ABCC4: variants seen among roughly 807,000 people sequenced by gnomAD.
The protein encoded by ABCC4 is ATP-binding cassette sub-family C member 4.
A neutral mutation model predicts 168.5 loss-of-function variants in ABCC4; 102 were observed. The ratio of observed to expected loss-of-function variants is 0.61; its 90% CI spans 0.52 to 0.71. The LOEUF is 0.71. Ranked by LOEUF, ABCC4 falls within the 30% of genes least tolerant of loss-of-function variation. The pLI is 0.00. For missense variants in ABCC4, 1,402 were observed against 1,605.8 expected, an observed-to-expected ratio of 0.87 and a Z score of 2.17; for synonymous variants, 617 against 590.7, an observed-to-expected ratio of 1.04 and a Z score of -0.65.
chr13:95,195,854 G>A (rs952892150), intron 8 of ABCC4, among the ~76,000 whole-genome samples: 2 of 151,984 alleles, frequency 1.3e-5, no homozygotes, highest in African/African-American at 2.4e-5. Flanking sequence ...GGCTGGTCTC[G>A]AACTGCTGGC....
chr13:95,145,642 T>G (rs1594177739), intron 19 of ABCC4, among the ~76,000 whole-genome samples: 1 of 147,182 alleles, frequency 6.8e-6, no homozygotes. Flanking sequence ...AAGAGACACA[T>G]GCACTTGTAT....
intron 13 of ABCC4, among the ~76,000 whole-genome samples, chr13:95,173,470 C>A (rs114589020): frequency 1.9e-3 from 283 of 152,270 alleles, no homozygotes; most frequent in African/African-American, 6.3e-3. Flanking sequence ...TTCTCTTTTG[C>A]CCAGGCAAAC....
At chr13:95,026,903 A>AAAAG (rs772135173) in intron 30 of ABCC4, among the ~76,000 whole-genome samples, 7 of 152,040 alleles carry the variant, frequency 4.6e-5, no homozygotes, top group East Asian at 1.9e-4. Flanking sequence ...AAAAAAAAGA[A>AAAAG]AAAGAAAGAA....
intron 20 of ABCC4, among the ~76,000 whole-genome samples, chr13:95,101,295 C>A (rs1034830885): frequency 5.3e-5 from 8 of 151,888 alleles, no homozygotes; most frequent in Non-Finnish European, 1.2e-4. Context: ...CAGGACTAGT[C>A]CTTTGTGTTC....
chr13:95,238,226 G>A (rs1341108384), intron 3 of ABCC4, among the ~76,000 whole-genome samples: 4 of 151,312 alleles, frequency 2.6e-5, no homozygotes, highest in East Asian at 1.9e-4. Context: ...AGAAATGGGG[G>A]AACAGGGGAC....
chr13:95,060,687 T>C (rs150598235), intron 26 of ABCC4, among the ~76,000 whole-genome samples: 7 of 152,354 alleles, frequency 4.6e-5, no homozygotes, highest in African/African-American at 1.7e-4. Context: ...TCCCATTTTA[T>C]CCTGAAAGGG....
chr13:95,279,943 C>T (rs2041072981), intron 1 of ABCC4, among the ~76,000 whole-genome samples: 1 of 152,084 alleles, frequency 6.6e-6, no homozygotes, highest in South Asian at 2.1e-4. Context: ...ACTCAAGGAC[C>T]CACCACAACA....
chr13:95,294,889 G>A (rs1479619431), intron 1 of ABCC4, among the ~76,000 whole-genome samples: 1 of 152,120 alleles, frequency 6.6e-6, no homozygotes, highest in Non-Finnish European at 1.5e-5. Context: ...CGGAGGCAGA[G>A]GTTGCAATGA....
chr13:95,113,980 C>A (rs147652200), intron 20 of ABCC4, among the ~76,000 whole-genome samples: 3 of 152,272 alleles, frequency 2.0e-5, no homozygotes, highest in African/African-American at 7.2e-5. Flanking sequence ...TTATTAAAGA[C>A]ACCTGCAAAC....
At chr13:95,294,543 G>A (rs1246238290) in intron 1 of ABCC4, among the ~76,000 whole-genome samples, 1 of 152,160 alleles carries the variant, frequency 6.6e-6, no homozygotes, top group Non-Finnish European at 1.5e-5. Context: ...CTGGAGAGGC[G>A]TTGCATGGGG....
intron 26 of ABCC4, among the ~76,000 whole-genome samples, chr13:95,058,039 T>G (rs962294834): frequency 3.9e-5 from 6 of 152,230 alleles, no homozygotes; most frequent in Non-Finnish European, 7.3e-5. Context: ...AAGGTAAGGC[T>G]TGGAGGATCT....
At chr13:95,060,879 T>G (rs767690007) in intron 26 of ABCC4, among the ~76,000 whole-genome samples, 3 of 152,180 alleles carry the variant, frequency 2.0e-5, no homozygotes, top group Non-Finnish European at 2.9e-5. Flanking sequence ...TGAAGTCCTA[T>G]GTGAAATAAT....
At chr13:95,124,971 A>C (rs1007635973) in intron 19 of ABCC4, among the ~76,000 whole-genome samples, 11 of 152,122 alleles carry the variant, frequency 7.2e-5, no homozygotes, top group African/African-American at 2.7e-4. Flanking sequence ...GAGGCACACA[A>C]ACCTAGAAGA....
chr13:95,134,156 C>A (rs1273896789), intron 19 of ABCC4, among the ~76,000 whole-genome samples: 1 of 152,128 alleles, frequency 6.6e-6, no homozygotes, highest in Non-Finnish European at 1.5e-5. Flanking sequence ...CCATCCTAGC[C>A]CTCTGTGAGC....
chr13:95,231,091 G>C (rs539777824), intron 4 of ABCC4, among the ~76,000 whole-genome samples: 1 of 152,176 alleles, frequency 6.6e-6, no homozygotes, highest in Non-Finnish European at 1.5e-5. Flanking sequence ...CAAATTCATA[G>C]AGCTGGAAAG....
At chr13:95,197,670 TC>T (rs1172079644) in intron 8 of ABCC4, among the ~76,000 whole-genome samples, 1 of 152,130 alleles carries the variant, frequency 6.6e-6, no homozygotes, top group Admixed American at 6.5e-5. Flanking sequence ...AGAACTGAAG[TC>T]AAAGAGATTG....
intron 22 of ABCC4, 70 bp downstream of exon 22, chr13:95,075,362 G>A: frequency 6.2e-7 from 1 of 1,602,954 alleles, no homozygotes; most frequent in Middle Eastern, 1.7e-4. Context: ...AAGCTCATCT[G>A]ACCAGGGAGG....
At position 95,280,416 on chromosome 13, in the gene ABCC4, C is replaced by CA. The variant is rs10708482; in HGVS notation, c.74+20824dup. Among the ~76,000 whole-genome samples, 155 of 90,394 alleles carry CA rather than the reference C, an allele frequency of 1.7e-3. 1 individual carries two copies. The highest frequency in any genetic ancestry group is 3.6e-3 in the African/African-American group (79 of 21,732). 59.3% of individuals were successfully genotyped at this position (90,394 alleles called of 152,430 possible). On this transcript the variant is annotated intron_variant, in intron 1 of 30. Transcript: ENST00000645237. The stretch of plus-strand genomic sequence containing the variant: ...TGGGTGACAGAGTGAGACTCCATCT[C>CA]AAAAAAAAAAAAAAAAAAGGCCTAA...
rs1278418528 is a variant in ABCC4 at position 95,075,433 on chromosome 13, T to C, written c.2805A>G (p.Ser935=). The C allele has an allele frequency of 6.2e-7, 1 of 1,614,070 alleles. No individual in the cohort carries two copies. The highest frequency in any genetic ancestry group is 8.5e-7 in the Non-Finnish European group (1 of 1,179,968). Reference sequence around the variant, plus strand: ...AACCATTTCCAGAAATAGACAGACCTGAATGTAAATCCTGGTGTGCATCAA... The same window carrying C: ...AACCATTTCCAGAAATAGACAGACCCGAATGTAAATCCTGGTGTGCATCAA... ...ELFDAHQDLH[S]EAWFLFLTTS... Residue 935 remains serine, a splice_region_variant and synonymous_variant, in exon 22 of 31, where the codon TCA becomes TCG. Coordinates refer to ENST00000645237, the MANE Select transcript of ABCC4 (RefSeq NM_005845.5).
Sources: allele counts gnomAD v4.1 joint callset (sites outside exome capture counted in the v4.1 genomes callset), GRCh38; gene constraint gnomAD v4.1.1; transcripts MANE v1.5; gene names NCBI Gene and HGNC (gene_info 2026-07-23, HGNC 2026-07-21).